INPP5A: variants seen among roughly 807,000 people sequenced by gnomAD.
INPP5A encodes the protein inositol polyphosphate-5-phosphatase A, also known as 43 kDa inositol polyphosphate 5-phophatase.
In INPP5A, 14 loss-of-function variants were observed where a neutral mutation model predicts 65.2. The observed-to-expected ratio is 0.21, with a 90% CI of 0.14 to 0.34. The LOEUF is 0.34. INPP5A is among the 10% of genes least tolerant of loss of function. The pLI, the probability that INPP5A is intolerant of heterozygous loss-of-function variation, is 1.00. For missense variants in INPP5A, 431 were observed against 545.6 expected (o/e 0.79, Z 2.09); for synonymous variants, 207 against 208.3 (o/e 0.99, Z 0.05).
At chr10:132,714,657 G>A (rs1296759241) in intron 8 of INPP5A, among the ~76,000 whole-genome samples, 1 of 152,184 alleles carries the variant, frequency 6.6e-6, no homozygotes, top group Non-Finnish European at 1.5e-5. Context: ...TTAAAACCCA[G>A]AGGCACCGTA....
intron 4 of INPP5A, among the ~76,000 whole-genome samples, chr10:132,667,774 C>T (rs547027066): frequency 4.6e-5 from 7 of 151,926 alleles, no homozygotes; most frequent in South Asian, 2.1e-4. Context: ...CTCAGGGGGC[C>T]GTGTGCGCTG....
rs1010693896 is a variant in INPP5A at position 132,716,510 on chromosome 10, G to C, written c.647+6054G>C. On this transcript the variant is annotated intron_variant, in intron 8 of 15. Transcript: ENST00000368594. ...ACGGTGCTCGGTCATGGGACTCGCT[G>C]CCGGCTGTCTGGAGAGCGTTTGGGT... 2.0e-5 allele frequency among the ~76,000 whole-genome samples: 3 copies of C among 152,348 alleles called. No individual in the cohort carries two copies. In the East Asian group the frequency reaches 5.8e-4, roughly 29 times the overall value.
intron 8 of INPP5A, among the ~76,000 whole-genome samples, chr10:132,718,900 C>A (rs561607345): frequency 3.4e-5 from 5 of 146,936 alleles, no homozygotes; most frequent in African/African-American, 1.3e-4. Context: ...TCTGTCTGGA[C>A]GCCTTAGACG....
At chr10:132,708,243 G>A (rs545054232) in intron 6 of INPP5A, 70 bp from the exon 7 acceptor site, 2 of 1,353,074 alleles carry the variant, frequency 1.5e-6, no homozygotes, top group Non-Finnish European at 2.1e-6. Context: ...TGTCCTTTAG[G>A]TGTGTGGGAC....
intron 11 of INPP5A, among the ~76,000 whole-genome samples, chr10:132,758,834 CCT>C (rs980806165): frequency 2.0e-5 from 3 of 152,304 alleles, no homozygotes; most frequent in Non-Finnish European, 2.9e-5. Context: ...CGTGGGGTCT[CCT>C]GTGGCTGTGG....
At position 132,777,794 on chromosome 10, in the gene INPP5A, C is replaced by T; in HGVS notation, c.1089+12C>T. 6.2e-7 allele frequency: 1 copy of T among 1,612,010 alleles called. No homozygotes were observed. The highest frequency in any genetic ancestry group is 1.1e-5 in the South Asian group (1 of 90,906). ...AGCTGGTGCTGCGGGTGAGTGTGTG[C>T]TGCCCCAGCCCTGGGCACAGAGGGA... On this transcript the variant is annotated intron_variant, in intron 13 of 15. Coordinates refer to ENST00000368594, the MANE Select transcript of INPP5A (RefSeq NM_005539.5).
Position 132,627,927 on chromosome 10 carries a change from G to A in INPP5A, c.118-17941G>A, listed in dbSNP as rs2133369074. On this transcript the variant is annotated intron_variant, in intron 2 of 15. Transcript: ENST00000368594. This position sits in a 1 kb window ranked among gnomAD's most constrained non-coding sequence, Gnocchi z 6.6. ...CGGCGTCGGGTGTGGAGAGAAACTG[G>A]AGATAAGGGACGCGAATCTGACTCG... Among the ~76,000 whole-genome samples, 1 of 152,256 alleles carries A rather than the reference G, an allele frequency of 6.6e-6. No homozygotes were observed. Among genetic ancestry groups the A allele is most frequent in the East Asian group, 1.9e-4 (1 of 5,174 alleles).
chr10:132,601,299 C>T (rs1034702550), intron 1 of INPP5A, among the ~76,000 whole-genome samples: 1 of 152,178 alleles, frequency 6.6e-6, no homozygotes, highest in African/African-American at 2.4e-5. Context: ...TTTCATATGT[C>T]TTCTTTAGAA....
intron 2 of INPP5A, among the ~76,000 whole-genome samples, chr10:132,617,864 T>TCATCCACAAGTGGGC (rs1473781543): frequency 1.3e-5 from 2 of 152,248 alleles, no homozygotes; most frequent in Admixed American, 1.3e-4. Flanking sequence ...CACAAGTGGG[T>TCATCCACAAGTGGGC]CATCCACAAG....
intron 6 of INPP5A, among the ~76,000 whole-genome samples, chr10:132,702,838 C>T (rs551406711): frequency 1.4e-4 from 22 of 152,284 alleles, no homozygotes; most frequent in African/African-American, 5.1e-4. Context: ...ATGTGGACAG[C>T]GCCTGCACCC....
intron 8 of INPP5A, among the ~76,000 whole-genome samples, chr10:132,718,883 C>G (rs1845800387): frequency 6.7e-6 from 1 of 149,000 alleles, no homozygotes; most frequent in Non-Finnish European, 1.5e-5. Context: ...TTCTGTGGTG[C>G]CTGGGTTCTG....
At chr10:132,721,254 T>C (rs1845872035) in intron 8 of INPP5A, among the ~76,000 whole-genome samples, 1 of 149,222 alleles carries the variant, frequency 6.7e-6, no homozygotes, top group African/African-American at 2.5e-5. Flanking sequence ...GGGTTCTGTC[T>C]GGGCACCTTA....
rs2072703032 is a variant in INPP5A at position 132,659,220 on chromosome 10, G to C, written c.306+8715G>C. Among the ~76,000 whole-genome samples, 1 of 152,202 alleles carries C rather than the reference G, an allele frequency of 6.6e-6. No homozygotes were observed. The highest frequency in any genetic ancestry group is 2.4e-5 in the African/African-American group (1 of 41,464). On this transcript the variant is annotated intron_variant, in intron 4 of 15. Coordinates refer to ENST00000368594, the MANE Select transcript of INPP5A (RefSeq NM_005539.5). This position sits in a 1 kb window ranked among gnomAD's most constrained non-coding sequence, Gnocchi z 5.5. ...GCACAGGGGTTCAGATTGAGGCCTG[G>C]GGCTGAGGAAGCAGGAAGTCCTGTC...
chr10:132,686,584 G>A (rs1038792505), intron 4 of INPP5A, among the ~76,000 whole-genome samples: 2 of 152,122 alleles, frequency 1.3e-5, no homozygotes, highest in Non-Finnish European at 1.5e-5. Flanking sequence ...AAGTTGGGTC[G>A]AACTTTGACT....
chr10:132,665,295 C>T (rs1029803521), intron 4 of INPP5A, among the ~76,000 whole-genome samples: 1 of 152,208 alleles, frequency 6.6e-6, no homozygotes, highest in Non-Finnish European at 1.5e-5. Flanking sequence ...CAGGAAAGCC[C>T]CCTCTTAGAT....
chr10:132,634,869 G>T lies in INPP5A; in HGVS notation c.118-10999G>T, dbSNP rs144970082. On this transcript the variant is annotated intron_variant, in intron 2 of 15. Transcript: ENST00000368594. ...CCCTCCCAGGCTCATGGCTGGTGTG[G>T]TGTGTGCTTTCCTGTTTGCTCTCTG... 4.7e-3 allele frequency among the ~76,000 whole-genome samples: 714 copies of T among 152,376 alleles called. 5 individuals are homozygous for T. The highest frequency in any genetic ancestry group is 0.015 in the African/African-American group (637 of 41,592).
At chr10:132,729,509 C>T (rs537706702) in intron 9 of INPP5A, among the ~76,000 whole-genome samples, 12 of 152,338 alleles carry the variant, frequency 7.9e-5, no homozygotes, top group South Asian at 2.1e-4. Flanking sequence ...AACTGCCTCC[C>T]GGGCCTCAGT....
At position 132,663,336 on chromosome 10, in the gene INPP5A, C is replaced by A. The variant is rs137906709; in HGVS notation, c.306+12831C>A. Among the ~76,000 whole-genome samples the A allele has an allele frequency of 3.6e-3, 548 of 152,196 alleles. 4 individuals are homozygous for A. Among genetic ancestry groups the A allele is most frequent in the Non-Finnish European group, 4.9e-3 (335 of 68,008 alleles). ...TCCTGAGCTCAAGTGATCCTGTGGC[C>A]TCAGCCTCCCAAGTAGCTGAGGATA... On this transcript the variant is annotated intron_variant, in intron 4 of 15. Transcript: ENST00000368594. This position sits in a 1 kb window ranked among gnomAD's most constrained non-coding sequence, Gnocchi z 4.5.
At chr10:132,638,023 G>A (rs893747167) in intron 2 of INPP5A, among the ~76,000 whole-genome samples, 2 of 152,270 alleles carry the variant, frequency 1.3e-5, no homozygotes, top group Admixed American at 1.3e-4. Context: ...CAAAGTCCAA[G>A]TGCATTCGCT....
Sources: gnomAD v4.1 joint callset for allele counts (sites outside exome capture counted in the v4.1 genomes callset) on GRCh38, gnomAD v4.1.1 for gene constraint, Gnocchi (gnomAD v3.1) non-coding constraint, MANE v1.5 for transcripts, NCBI Gene and HGNC (gene_info 2026-07-23, HGNC 2026-07-21) for gene names.